GLIPR2: variants seen among roughly 807,000 people sequenced by gnomAD.
The protein encoded by GLIPR2 is GLI pathogenesis related 2.
GLIPR2 carries 21 observed loss-of-function variants against 20.4 expected under a neutral mutation model. The observed-to-expected ratio is 1.03, with a 90% CI of 0.73 to 1.48. The LOEUF (loss-of-function observed/expected upper bound fraction) is 1.48. GLIPR2 is among the 40% of genes most tolerant of loss of function. The probability of loss-of-function intolerance (pLI) is 0.00; values close to 1 mark genes in which losing one functional copy is unlikely to be tolerated. For missense variants in GLIPR2, 205 were observed against 200.1 expected, an observed-to-expected ratio of 1.02 and a Z score of -0.15; for synonymous variants, 91 against 80.5, an observed-to-expected ratio of 1.13 and a Z score of -0.70.
chr9:36,154,754 G>A (rs926596343), intron 4 of GLIPR2, among the ~76,000 whole-genome samples: 1 of 152,174 alleles, frequency 6.6e-6, no homozygotes, highest in African/African-American at 2.4e-5. Flanking sequence ...CCTCCCCCGC[G>A]AGAAGAAAGA....
intron 4 of GLIPR2, among the ~76,000 whole-genome samples, chr9:36,154,068 A>C (rs1402455514): frequency 7.8e-6 from 1 of 128,226 alleles, no homozygotes; most frequent in East Asian, 2.1e-4. Context: ...TATATTATAT[A>C]TTATATATTA....
In GLIPR2 at chr9:36,136,790, A is replaced by G; in HGVS notation, c.12A>G (p.Ser4=). The G allele has an allele frequency of 7.7e-7, 1 of 1,301,944 alleles. No individual in the cohort carries two copies. 80.6% of individuals were successfully genotyped at this position (1,301,944 alleles called of 1,614,324 possible). ...GCGCGGAGCCGGCCATGGGCAAGTC[A>G]GGTGAGCCCGCGGGCTCGCCCGCTG... MGK[S]ASKQFHNEVL... is the part of the protein sequence containing the mutation. The change falls in exon 1 of 5, where the codon TCA becomes TCG. Residue 4 remains serine (S), a splice_region_variant and synonymous_variant. Coordinates refer to ENST00000377960, the MANE Select transcript of GLIPR2 (RefSeq NM_022343.4). This position sits in a 1 kb window ranked among gnomAD's most constrained non-coding sequence, Gnocchi z 4.3.
intron 4 of GLIPR2, among the ~76,000 whole-genome samples, chr9:36,154,789 A>C (rs1390066067): frequency 6.6e-6 from 1 of 152,214 alleles, no homozygotes; most frequent in Non-Finnish European, 1.5e-5. Flanking sequence ...CAGCTTGGAA[A>C]AGGCTGCCAC....
chr9:36,162,675 C>A lies in GLIPR2; in HGVS notation c.*153C>A, dbSNP rs193297845. 8 of 733,512 alleles carry A rather than the reference C, an allele frequency of 1.1e-5. No homozygotes were observed. The East Asian group carries it at 1.9e-4, about 17-fold the overall frequency. 45.4% of individuals were successfully genotyped at this position (733,512 alleles called of 1,614,324 possible). A position where few individuals can be genotyped will look rare whatever the true frequency, so the allele number is the denominator to read the frequency against. ...TCTCTGGCACACACACTTGGACATA[C>A]AGTTCTGTGTGCGCTCATTCTTATT... On this transcript the variant is annotated 3_prime_UTR_variant, in exon 5 of 5. Transcript: ENST00000377960.
rs1313111652 is a variant in GLIPR2 at position 36,160,538 on chromosome 9, GAGAGAAGAAAAA to G, written c.305-1814_305-1803del. Reference sequence around the variant, plus strand: ...AAAAGAGAAGAGGAAGGGAAGGAGGGAGAGAAGAAAAAAGAGAAGAAGAAAGAAGGAAAACAG... The same window carrying G: ...AAAAGAGAAGAGGAAGGGAAGGAGGGAGAGAAGAAGAAAGAAGGAAAACAG... On this transcript the variant is annotated intron_variant, in intron 4 of 4. Coordinates refer to ENST00000377960, the MANE Select transcript of GLIPR2 (RefSeq NM_022343.4). 3.3e-5 allele frequency among the ~76,000 whole-genome samples: 5 copies of G among 151,334 alleles called. No homozygotes were observed. In the South Asian group the frequency reaches 8.4e-4, roughly 25 times the overall value.
At chr9:36,152,423 C>CGTGT (rs376556092) in intron 4 of GLIPR2, among the ~76,000 whole-genome samples, 1 of 152,072 alleles carries the variant, frequency 6.6e-6, no homozygotes, top group South Asian at 2.1e-4. Flanking sequence ...TAGCACTCTG[C>CGTGT]GTGTGTGTGT....
intron 4 of GLIPR2, among the ~76,000 whole-genome samples, chr9:36,154,131 C>T (rs555337215): frequency 6.0e-5 from 9 of 149,494 alleles, no homozygotes; most frequent in East Asian, 3.9e-4. Context: ...AGTCTCACTC[C>T]GTTGCCCCGG....
At chr9:36,141,869 T>G (rs1587129435) in intron 1 of GLIPR2, 2 of 454,828 alleles carry the variant, frequency 4.4e-6, no homozygotes. Flanking sequence ...CCTCCAGCGG[T>G]AGAGGCCTGG....
chr9:36,141,739 G>T, intron 1 of GLIPR2: 1 of 437,692 alleles, frequency 2.3e-6, no homozygotes, highest in Non-Finnish European at 4.5e-6. Context: ...CTGCAGCCTC[G>T]ATCTCCTGGG....
At chr9:36,160,796 G>A (rs1239646872) in intron 4 of GLIPR2, among the ~76,000 whole-genome samples, 2 of 152,272 alleles carry the variant, frequency 1.3e-5, no homozygotes, top group Admixed American at 1.3e-4. Flanking sequence ...AATCTCAGCA[G>A]TTTGGGAGGC....
chr9:36,145,772 T>TTGGA, intron 1 of GLIPR2, among the ~76,000 whole-genome samples: 1 of 152,028 alleles, frequency 6.6e-6, no homozygotes, highest in Non-Finnish European at 1.5e-5. Flanking sequence ...ATGGAAGATG[T>TTGGA]TGGATGGATG....
At chr9:36,148,700 A>C (rs1164517656) in intron 3 of GLIPR2, 50 bp downstream of exon 3, 1 of 1,296,450 alleles carries the variant, frequency 7.7e-7, no homozygotes, top group African/African-American at 1.5e-5. Context: ...TGGAAGAAGG[A>C]CAAGTCCTCC....
intron 1 of GLIPR2, chr9:36,141,838 C>A (rs760679875): frequency 9.1e-6 from 4 of 441,946 alleles, no homozygotes; most frequent in Non-Finnish European, 1.8e-5. Flanking sequence ...TTTTTTTGTC[C>A]TCCTCAGAAT....
intron 2 of GLIPR2, among the ~76,000 whole-genome samples, chr9:36,148,118 T>C (rs537741958): frequency 2.0e-5 from 3 of 152,142 alleles, no homozygotes; most frequent in Non-Finnish European, 4.4e-5. Flanking sequence ...TGTGGTGGCA[T>C]GGGCCTGTAG....
chr9:36,154,107 C>CA (rs200911287), intron 4 of GLIPR2, among the ~76,000 whole-genome samples: 3 of 145,882 alleles, frequency 2.1e-5, no homozygotes, highest in Non-Finnish European at 4.5e-5. Flanking sequence ...CTTTTCCCCC[C>CA]CCCTTTGAGA....
rs1444906338 is a variant in GLIPR2, at chr9:36,136,935, C to T, written c.13+144C>T. The T allele has an allele frequency of 2.2e-5, 22 of 1,006,690 alleles. No homozygotes were observed. The highest frequency in any genetic ancestry group is 2.7e-5 in the Non-Finnish European group (21 of 783,448). 62.4% of individuals were successfully genotyped at this position (1,006,690 alleles called of 1,614,324 possible). A position where few individuals can be genotyped will look rare whatever the true frequency, so the allele number is the denominator to read the frequency against. On this transcript the variant is annotated intron_variant, in intron 1 of 4. Coordinates refer to ENST00000377960, the MANE Select transcript of GLIPR2 (RefSeq NM_022343.4). The surrounding 1 kb of genome is among the most constrained non-coding windows in gnomAD (Gnocchi z 4.3). ...TGGAGGGCGCGCGGGCGGAGCGCCC[C>T]GGCGCGGTTTCCGGGGAACCCGGGG...
At chr9:36,143,820 C>G (rs181443858) in intron 1 of GLIPR2, among the ~76,000 whole-genome samples, 1 of 152,230 alleles carries the variant, frequency 6.6e-6, no homozygotes, top group Non-Finnish European at 1.5e-5. Flanking sequence ...TCCTTTTGGT[C>G]GCCAGAAAGC....
intron 4 of GLIPR2, among the ~76,000 whole-genome samples, chr9:36,161,855 A>C (rs1226822848): frequency 6.6e-6 from 1 of 152,090 alleles, no homozygotes; most frequent in Non-Finnish European, 1.5e-5. Flanking sequence ...TGAGGTGGGT[A>C]AGGTCTGTGT....
At chr9:36,157,505 A>G (rs112481263) in intron 4 of GLIPR2, among the ~76,000 whole-genome samples, 3 of 149,824 alleles carry the variant, frequency 2.0e-5, no homozygotes, top group African/African-American at 7.4e-5. Context: ...CACCACCATG[A>G]CCAGCTAATT....
Sources: allele counts gnomAD v4.1 joint callset (sites outside exome capture counted in the v4.1 genomes callset), GRCh38; gene constraint gnomAD v4.1.1; non-coding constraint Gnocchi (gnomAD v3.1); transcripts MANE v1.5; gene names NCBI Gene and HGNC (gene_info 2026-07-23, HGNC 2026-07-21).